B4GALT1: variants seen among roughly 807,000 people sequenced by gnomAD.
B4GALT1 encodes N-acetyllactosamine synthase.
A neutral mutation model predicts 34.9 loss-of-function variants in B4GALT1; 16 were observed. The ratio of observed to expected loss-of-function variants is 0.46; its 90% CI spans 0.31 to 0.70. The LOEUF (loss-of-function observed/expected upper bound fraction) is 0.70. B4GALT1 is among the 30% of genes least tolerant of loss of function. The probability of loss-of-function intolerance (pLI) is 0.05; values close to 1 mark genes in which losing one functional copy is unlikely to be tolerated. For missense variants in B4GALT1, 445 were observed against 530.5 expected, an observed-to-expected ratio of 0.84 and a Z score of 1.58; for synonymous variants, 221 against 218.1, an observed-to-expected ratio of 1.01 and a Z score of -0.12.
the B4GALT1 span, chr9:33,179,023 C>T: frequency 6.6e-6 from 1 of 152,170 alleles, no homozygotes; most frequent in Admixed American, 6.5e-5. Flanking sequence ...TTTCACATGG[C>T]ACAAGATGGG....
rs190522212 is a variant in B4GALT1, at chr9:33,136,548, C to T, written c.413-1124G>A. On this transcript the variant is annotated intron_variant, in intron 1 of 5. Transcript: ENST00000379731. ...TGGTCAAATAAGAACGGGAATGCTG[C>T]GTATTAAATCCTGCTTCTGCAAAGT... Among the ~76,000 whole-genome samples, 102 of 152,306 alleles carry T rather than the reference C, an allele frequency of 6.7e-4. 3 individuals are homozygous for T. Among genetic ancestry groups the T allele is most frequent in the Admixed American group, 6.5e-3 (99 of 15,304 alleles).
intron 1 of B4GALT1, 25 bp from the exon 2 acceptor site, chr9:33,135,449 G>A: frequency 1.9e-6 from 3 of 1,607,744 alleles, no homozygotes; most frequent in Non-Finnish European, 2.6e-6. Context: ...GGAGGGAGAA[G>A]TTAGCAGGCC....
the B4GALT1 span, among the ~76,000 whole-genome samples, chr9:33,175,450 T>C: frequency 6.6e-6 from 1 of 152,272 alleles, no homozygotes; most frequent in African/African-American, 2.4e-5. Context: ...ACTGGAAATA[T>C]ACACAAAAGG....
chr9:33,165,732 T>G (rs1840741374), intron 1 of B4GALT1, among the ~76,000 whole-genome samples: 1 of 152,188 alleles, frequency 6.6e-6, no homozygotes. Context: ...ACCACCTGTG[T>G]GGTAACCCTG....
At chr9:33,155,696 C>G (rs1464580922) in intron 1 of B4GALT1, among the ~76,000 whole-genome samples, 1 of 152,212 alleles carries the variant, frequency 6.6e-6, no homozygotes, top group African/African-American at 2.4e-5. Context: ...CACGCCTCTT[C>G]CTCTTCTTTC....
downstream of B4GALT1, among the ~76,000 whole-genome samples, chr9:33,110,256 C>G (rs1211259475): frequency 6.6e-6 from 1 of 152,236 alleles, no homozygotes; most frequent in Non-Finnish European, 1.5e-5. Flanking sequence ...TAATTCCCTT[C>G]AAGTTACACT....
chr9:33,130,373 C>T (rs1335430798), intron 2 of B4GALT1, among the ~76,000 whole-genome samples: 2 of 151,728 alleles, frequency 1.3e-5, no homozygotes, highest in African/African-American at 4.9e-5. Flanking sequence ...TCTTTTCTTG[C>T]TGCCGTTGAA....
chr9:33,146,640 G>A (rs1300686425), intron 1 of B4GALT1, among the ~76,000 whole-genome samples: 1 of 151,984 alleles, frequency 6.6e-6, no homozygotes, highest in East Asian at 1.9e-4. Context: ...TTTGTTAGAA[G>A]AGATTTAGAC....
intron 2 of B4GALT1, among the ~76,000 whole-genome samples, chr9:33,126,754 G>A (rs575919986): frequency 2.5e-4 from 36 of 146,696 alleles, no homozygotes; most frequent in Non-Finnish European, 4.6e-5. Context: ...CAAGGGTTAG[G>A]GACCAGGCTA....
At chr9:33,171,680 G>A (rs559456773), upstream of B4GALT1, among the ~76,000 whole-genome samples, 5 of 152,010 alleles carry the variant, frequency 3.3e-5, no homozygotes, top group Non-Finnish European at 7.4e-5. Flanking sequence ...TCAGCCTCCC[G>A]AGTAGCTGGG....
chr9:33,130,244 T>G (rs1254985476), intron 2 of B4GALT1, among the ~76,000 whole-genome samples: 1 of 152,202 alleles, frequency 6.6e-6, no homozygotes, highest in Non-Finnish European at 1.5e-5. Context: ...TTAGGGCTAG[T>G]GCTACCAGGT....
intron 1 of B4GALT1, among the ~76,000 whole-genome samples, chr9:33,148,359 G>A (rs763525403): frequency 1.2e-4 from 18 of 152,252 alleles, no homozygotes; most frequent in Middle Eastern, 3.4e-3. Flanking sequence ...GATTATTCAC[G>A]GAGACACAGA....
At chr9:33,106,016 T>G (rs1370968626), downstream of B4GALT1, among the ~76,000 whole-genome samples, 1 of 151,940 alleles carries the variant, frequency 6.6e-6, no homozygotes, top group African/African-American at 2.4e-5. Flanking sequence ...ATTCCATGTT[T>G]AATTTTTGGA....
chr9:33,107,734 C>A (rs1839809576), downstream of B4GALT1, among the ~76,000 whole-genome samples: 1 of 152,152 alleles, frequency 6.6e-6, no homozygotes, highest in Non-Finnish European at 1.5e-5. Context: ...AGCCTAGGAG[C>A]CTGTCCTTGG....
intron 3 of B4GALT1, among the ~76,000 whole-genome samples, chr9:33,118,774 A>C (rs753326443): frequency 6.6e-5 from 10 of 152,330 alleles, no homozygotes; most frequent in Middle Eastern, 6.8e-3. Flanking sequence ...GGGGTACCCA[A>C]CATAGAGGGT....
intron 1 of B4GALT1, among the ~76,000 whole-genome samples, chr9:33,154,426 A>C (rs1840567761): frequency 6.6e-6 from 1 of 152,208 alleles, no homozygotes; most frequent in Non-Finnish European, 1.5e-5. Context: ...CCCCCTAACA[A>C]GACACATATG....
chr9:33,167,333 G>C lies in B4GALT1; in HGVS notation c.-164C>G. ...GACTCCTCCAGCCAGCCAGACCTGG[G>C]AGCGGCGAGAAGCCGCCCGAGGCGC... On this transcript the variant is annotated 5_prime_UTR_variant, in exon 1 of 6. Transcript: ENST00000379731. 1 of 952,636 alleles carries C rather than the reference G, an allele frequency of 1.0e-6. No homozygotes were observed. Among genetic ancestry groups the C allele is most frequent in the Non-Finnish European group, 1.4e-6 (1 of 722,504 alleles). The allele number at this position is 952,636 out of a possible 1,614,324, so 59.0% of individuals were successfully genotyped here.
upstream of B4GALT1, among the ~76,000 whole-genome samples, chr9:33,169,111 C>G (rs951233144): frequency 6.6e-6 from 1 of 152,246 alleles, no homozygotes; most frequent in Non-Finnish European, 1.5e-5. Context: ...TATATGGCAG[C>G]TACTAATTGG....
At chr9:33,175,020 T>TATATATATATATATATAAAA in the B4GALT1 span, among the ~76,000 whole-genome samples, 19 of 39,068 alleles carry the variant, frequency 4.9e-4, 1 homozygote, top group Non-Finnish European at 9.0e-4. Flanking sequence ...TATATATATA[T>TATATATATATATATATAAAA]AAAATTGGAG....
Sources: allele counts gnomAD v4.1 joint callset (sites outside exome capture counted in the v4.1 genomes callset), GRCh38; gene constraint gnomAD v4.1.1; transcripts MANE v1.5; gene names NCBI Gene and HGNC (gene_info 2026-07-23, HGNC 2026-07-21).